The following PRKG1 variants were observed in gnomAD, a reference collection of about 807,000 sequenced individuals.
PRKG1 encodes the protein protein kinase cGMP-dependent 1.
Under a neutral mutation model 88.1 loss-of-function variants are expected in PRKG1, and 35 were observed. The observed-to-expected ratio is 0.40, with a 90% CI of 0.30 to 0.53. PRKG1 has a LOEUF of 0.53. Ranked by LOEUF, PRKG1 falls within the 20% of genes least tolerant of loss-of-function variation. The probability of loss-of-function intolerance (pLI) is 0.59; values close to 1 mark genes in which losing one functional copy is unlikely to be tolerated. For synonymous variants in PRKG1, 303 were observed against 292.5 expected, an observed-to-expected ratio of 1.04 and a Z score of -0.37; for missense variants, 540 against 839.8, an observed-to-expected ratio of 0.64 and a Z score of 4.41.
At chr10:51,040,273 A>T (rs1205237893) in intron 1 of PRKG1, among the ~76,000 whole-genome samples, 37 of 31,624 alleles carry the variant, frequency 1.2e-3, no homozygotes, top group Admixed American at 4.9e-3. Context: ...TGTGTGTGTG[A>T]CCTCTTTAAT....
chr10:51,848,966 C>T (rs16924109), intron 4 of PRKG1, among the ~76,000 whole-genome samples: 3,638 of 151,446 alleles, frequency 0.024, 131 homozygotes, highest in African/African-American at 0.074. Context: ...CATTTTATTG[C>T]TAGAAACCTT....
chr10:51,253,580 TC>T (rs1424522640), intron 2 of PRKG1, among the ~76,000 whole-genome samples: 1 of 151,936 alleles, frequency 6.6e-6, no homozygotes, highest in Non-Finnish European at 1.5e-5. Context: ...AATTCTACTT[TC>T]TGAATCCGAT....
intron 1 of PRKG1, among the ~76,000 whole-genome samples, chr10:51,104,738 A>C (rs1844784520): frequency 7.0e-6 from 1 of 142,604 alleles, no homozygotes; most frequent in African/African-American, 2.6e-5. Context: ...TTATTTATTT[A>C]TTTATTTTGT....
chr10:51,416,889 A>C (rs1251186970), intron 2 of PRKG1, among the ~76,000 whole-genome samples: 1 of 152,216 alleles, frequency 6.6e-6, no homozygotes, highest in African/African-American at 2.4e-5. Flanking sequence ...AACACTGCAT[A>C]AAAACATATT....
intron 8 of PRKG1, among the ~76,000 whole-genome samples, chr10:52,156,619 T>G (rs1044430108): frequency 4.0e-5 from 6 of 151,794 alleles, no homozygotes; most frequent in African/African-American, 1.2e-4. Context: ...AGGAAACATA[T>G]ATTCACATGA....
intron 9 of PRKG1, among the ~76,000 whole-genome samples, chr10:52,224,465 A>G (rs576560536): frequency 1.4e-4 from 21 of 151,716 alleles, no homozygotes; most frequent in Non-Finnish European, 2.2e-4. Flanking sequence ...TAATTTTTCC[A>G]TAGGTTACTG....
chr10:51,612,293 G>T (rs1349306064), intron 3 of PRKG1, among the ~76,000 whole-genome samples: 3 of 151,800 alleles, frequency 2.0e-5, no homozygotes, highest in African/African-American at 7.3e-5. Context: ...CATTTGTTGT[G>T]TCCTCTTCAG....
chr10:51,268,387 T>C (rs1839892215), intron 2 of PRKG1, among the ~76,000 whole-genome samples: 1 of 152,140 alleles, frequency 6.6e-6, no homozygotes, highest in Admixed American at 6.6e-5. Context: ...CTGGGGCTTA[T>C]TTCATCCCTA....
chr10:51,511,680 T>A (rs10823114), intron 3 of PRKG1, among the ~76,000 whole-genome samples: 42,743 of 151,918 alleles, frequency 0.28, 6,976 homozygotes, highest in East Asian at 0.79. Flanking sequence ...AGACTGGCTC[T>A]ACCAACTGCT....
intron 9 of PRKG1, among the ~76,000 whole-genome samples, chr10:52,202,727 G>A (rs1490302209): frequency 6.6e-6 from 1 of 151,952 alleles, no homozygotes; most frequent in Non-Finnish European, 1.5e-5. Context: ...CCTGTTTAGG[G>A]TTTCGGTATC....
At chr10:51,497,098 A>C (rs1840880830) in intron 3 of PRKG1, among the ~76,000 whole-genome samples, 1 of 152,184 alleles carries the variant, frequency 6.6e-6, no homozygotes, top group African/African-American at 2.4e-5. Flanking sequence ...TTAGACCCAC[A>C]TACAGTACTA....
At chr10:51,560,619 A>T (rs779307419) in intron 3 of PRKG1, among the ~76,000 whole-genome samples, 5 of 152,130 alleles carry the variant, frequency 3.3e-5, no homozygotes, top group African/African-American at 4.8e-5. Flanking sequence ...ACAACTAATG[A>T]CAAATATTGA....
intron 3 of PRKG1, among the ~76,000 whole-genome samples, chr10:51,617,088 C>A (rs113879515): frequency 5.3e-5 from 8 of 152,102 alleles, no homozygotes; most frequent in African/African-American, 1.9e-4. Flanking sequence ...CTCTCAGCAG[C>A]TCTGTATGTT....
At chr10:51,793,778 T>G (rs1470099908) in intron 3 of PRKG1, among the ~76,000 whole-genome samples, 1 of 152,270 alleles carries the variant, frequency 6.6e-6, no homozygotes, top group Middle Eastern at 3.4e-3. Context: ...TTTTTGTTTT[T>G]TGAGACAGAG....
intron 5 of PRKG1, among the ~76,000 whole-genome samples, chr10:52,013,565 T>G (rs562081816): frequency 6.6e-6 from 1 of 152,216 alleles, no homozygotes; most frequent in Non-Finnish European, 1.5e-5. Flanking sequence ...AGTCCTAAAC[T>G]ATAGGTACAG....
At chr10:51,146,980 C>T (rs1845960676) in intron 1 of PRKG1, among the ~76,000 whole-genome samples, 1 of 152,072 alleles carries the variant, frequency 6.6e-6, no homozygotes, top group Non-Finnish European at 1.5e-5. Context: ...AGAATGAAAT[C>T]CTGTCATTTG....
intron 8 of PRKG1, among the ~76,000 whole-genome samples, chr10:52,156,864 A>G (rs1454593820): frequency 4.0e-5 from 6 of 151,656 alleles, no homozygotes; most frequent in African/African-American, 1.4e-4. Flanking sequence ...TTTTAAAAAG[A>G]TTTAGATGAG....
At chr10:51,688,968 A>G (rs1389307001) in intron 3 of PRKG1, among the ~76,000 whole-genome samples, 3 of 152,102 alleles carry the variant, frequency 2.0e-5, no homozygotes, top group African/African-American at 7.2e-5. Flanking sequence ...TGCTGTTTTC[A>G]TGATAGTGAG....
intron 5 of PRKG1, among the ~76,000 whole-genome samples, chr10:51,946,261 A>G (rs1843030981): frequency 1.3e-5 from 2 of 151,944 alleles, no homozygotes; most frequent in Non-Finnish European, 2.9e-5. Context: ...TCGGCTCCTG[A>G]GCCTTCTGCA....
Sources: gnomAD v4.1 joint callset for allele counts (sites outside exome capture counted in the v4.1 genomes callset) on GRCh38, gnomAD v4.1.1 for gene constraint, MANE v1.5 for transcripts, NCBI Gene and HGNC (gene_info 2026-07-23, HGNC 2026-07-21) for gene names.